Variants in RNF212 observed in about 807,000 individuals in gnomAD.
RNF212 encodes probable E3 SUMO-protein ligase RNF212.
Under a neutral mutation model 34.7 loss-of-function variants are expected in RNF212, and 33 were observed. That is an observed-to-expected ratio of 0.95 (90% CI 0.72 to 1.27). RNF212 has a LOEUF of 1.27. Ranked by LOEUF, RNF212 falls within the 50% of genes most tolerant of loss-of-function variation. RNF212 has a pLI of 0.00. For synonymous variants in RNF212, 140 were observed against 136.1 expected, an observed-to-expected ratio of 1.03 and a Z score of -0.20; for missense variants, 377 against 362.2, an observed-to-expected ratio of 1.04 and a Z score of -0.33.
At chr4:1,098,883 T>A (rs898818111) in intron 2 of RNF212, among the ~76,000 whole-genome samples, 4 of 152,166 alleles carry the variant, frequency 2.6e-5, no homozygotes, top group African/African-American at 4.8e-5. Flanking sequence ...AATACACAGA[T>A]GCCTCAGAGA....
At chr4:1,107,842 AT>A (rs1428739595) in intron 2 of RNF212, among the ~76,000 whole-genome samples, 1 of 152,266 alleles carries the variant, frequency 6.6e-6, no homozygotes, top group African/African-American at 2.4e-5. Flanking sequence ...CAACTATTAT[AT>A]TTAAATCATC....
At chr4:1,100,135 T>A (rs1723736189) in intron 2 of RNF212, 2 of 335,274 alleles carry the variant, frequency 6.0e-6, no homozygotes, top group Non-Finnish European at 1.2e-5. Context: ...TAATTTCATC[T>A]TCTTTTGCTT....
At chr4:1,075,318 C>T (rs540905497) in intron 8 of RNF212, among the ~76,000 whole-genome samples, 1 of 152,274 alleles carries the variant, frequency 6.6e-6, no homozygotes, top group South Asian at 2.1e-4. Flanking sequence ...CTGTGTAATT[C>T]ATAAAGAAAA....
At chr4:1,089,850 G>A (rs1437336824) in intron 4 of RNF212, among the ~76,000 whole-genome samples, 8 of 152,288 alleles carry the variant, frequency 5.3e-5, no homozygotes, top group South Asian at 4.1e-4. Context: ...GCCTTCTGCC[G>A]TGACTGTAAG....
intron 5 of RNF212, among the ~76,000 whole-genome samples, chr4:1,083,364 C>T (rs1720658751): frequency 2.0e-5 from 3 of 152,116 alleles, no homozygotes; most frequent in Admixed American, 6.5e-5. Flanking sequence ...CAATGGGGGC[C>T]GGGTGTGGTG....
intron 2 of RNF212, among the ~76,000 whole-genome samples, chr4:1,107,068 T>G (rs1724942990): frequency 6.6e-6 from 1 of 152,138 alleles, no homozygotes; most frequent in Admixed American, 6.5e-5. Flanking sequence ...TTTTTTTTTT[T>G]TTAGACTGAG....
chr4:1,094,147 C>G lies in RNF212; in HGVS notation c.246+2618G>C, dbSNP rs936397503. The G allele has an allele frequency of 4.2e-6, 5 of 1,181,580 alleles. No individual in the cohort carries two copies. The East Asian group carries it at 1.0e-4, about 24-fold the overall frequency. The allele number at this position is 1,181,580 out of a possible 1,614,324, so 73.2% of individuals were successfully genotyped here. A position where few individuals can be genotyped will look rare whatever the true frequency, so the allele number is the denominator to read the frequency against. ...CCATGCAGGGGTCCATCCTCAGTCT[C>G]CTGCCTCAGATCCTGGCTGCCCCCA... is the stretch of plus-strand genomic sequence containing the variant. On this transcript the variant is annotated intron_variant, in intron 3 of 9. Coordinates refer to ENST00000433731, the MANE Select transcript of RNF212 (RefSeq NM_001131034.4).
chr4:1,108,238 A>C, intron 2 of RNF212, 105 bp downstream of exon 2: 1 of 681,616 alleles, frequency 1.5e-6, no homozygotes, highest in Non-Finnish European at 2.4e-6. Context: ...AACGGAGCAA[A>C]GTGACTGAAA....
chr4:1,104,704 C>T (rs1724533400), intron 2 of RNF212, among the ~76,000 whole-genome samples: 1 of 152,190 alleles, frequency 6.6e-6, no homozygotes, highest in Non-Finnish European at 1.5e-5. Context: ...GCGCCCCCAC[C>T]ACCACTGTCA....
rs368837566 is a variant in RNF212 at position 1,096,653 on chromosome 4, G to A, written c.246+112C>T. On this transcript the variant is annotated intron_variant, in intron 3 of 9. Transcript: ENST00000433731. The stretch of plus-strand genomic sequence containing the variant: ...ACACCCCTCACAGCTCCATGGTCTC[G>A]GGATAGTGCACCTGGCTCATCACAG... 1.5e-4 allele frequency: 106 copies of A among 706,650 alleles called. No individual in the cohort carries two copies. In the Admixed American group the frequency reaches 2.0e-3, roughly 13 times the overall value. 43.8% of individuals were successfully genotyped at this position (706,650 alleles called of 1,614,324 possible).
chr4:1,064,567 T>C (rs567974690), intron 3 of RNF212, among the ~76,000 whole-genome samples: 48 of 94,082 alleles, frequency 5.1e-4, no homozygotes, highest in Admixed American at 2.8e-3. Context: ...CTTCTCACTC[T>C]GTCTTCATAC....
chr4:1,073,128 C>T lies in RNF212; in HGVS notation c.640G>A (p.Gly214Arg), dbSNP rs116845605. 68 of 1,614,140 alleles carry T rather than the reference C, an allele frequency of 4.2e-5. 1 individual carries two copies. Among genetic ancestry groups the T allele is most frequent in the East Asian group, 2.7e-4 (12 of 44,884 alleles). ...WLTLSKPPVP[G>R]ECVISRGSPC... ...GAACCTCTGGAAATGACACACTCTC[C>T]GGGCACAGGGGGCTTAGACAAGGTC... is the stretch of plus-strand genomic sequence containing the variant. The change falls in exon 10 of 10, where the codon GGA becomes AGA. Residue 214 changes from glycine to arginine, a missense_variant. Coordinates refer to ENST00000433731, the MANE Select transcript of RNF212 (RefSeq NM_001131034.4).
downstream of RNF212, among the ~76,000 whole-genome samples, chr4:1,067,440 T>C (rs1335235644): frequency 6.6e-6 from 1 of 152,188 alleles, no homozygotes; most frequent in African/African-American, 2.4e-5. Flanking sequence ...TAACCATATG[T>C]TGTCTATCAG....
chr4:1,078,198 T>G (rs978770988), intron 8 of RNF212, among the ~76,000 whole-genome samples: 2 of 152,144 alleles, frequency 1.3e-5, no homozygotes, highest in African/African-American at 4.8e-5. Context: ...ATAAATCAAA[T>G]AAGCCAATAA....
intron 4 of RNF212, among the ~76,000 whole-genome samples, chr4:1,089,913 C>G (rs1199946292): frequency 6.6e-6 from 1 of 152,174 alleles, no homozygotes; most frequent in Non-Finnish European, 1.5e-5. Context: ...CAACCTCTTT[C>G]CTTTATAAAT....
In RNF212 at chr4:1,085,725, C is replaced by G. The variant is rs183417554; in HGVS notation, c.362+171G>C. 9.6e-6 allele frequency: 6 copies of G among 625,302 alleles called. No homozygotes were observed. The Admixed American group carries it at 1.4e-4, about 15-fold the overall frequency. 38.7% of individuals were successfully genotyped at this position (625,302 alleles called of 1,614,324 possible). On this transcript the variant is annotated intron_variant, in intron 5 of 9. Coordinates refer to ENST00000433731, the MANE Select transcript of RNF212 (RefSeq NM_001131034.4). ...TTTTCTTTTTTGTCTCCCTTCTTCC[C>G]TTCGGTTTTCCCACAGCATTTTTGC...
chr4:1,070,731 G>A (rs1270839513), downstream of RNF212, among the ~76,000 whole-genome samples: 1 of 152,264 alleles, frequency 6.6e-6, no homozygotes, highest in Admixed American at 6.5e-5. Context: ...GGTTTTGTAA[G>A]ACTGTGTTCT....
intron 8 of RNF212, among the ~76,000 whole-genome samples, chr4:1,077,909 T>A (rs1719586403): frequency 6.6e-6 from 1 of 152,088 alleles, no homozygotes; most frequent in African/African-American, 2.4e-5. Flanking sequence ...GGCGTGGCCA[T>A]GAGGATGGCA....
chr4:1,113,596 C>A, upstream of RNF212: 1 of 607,950 alleles, frequency 1.6e-6, no homozygotes, highest in Non-Finnish European at 2.6e-6. Context: ...GCCCTGCGCC[C>A]GCGCACTGGA....
Sources: allele counts gnomAD v4.1 joint callset (sites outside exome capture counted in the v4.1 genomes callset), GRCh38; gene constraint gnomAD v4.1.1; transcripts MANE v1.5; gene names NCBI Gene and HGNC (gene_info 2026-07-23, HGNC 2026-07-21).